ABL1: variants seen among roughly 807,000 people sequenced by gnomAD.
ABL1 encodes the protein tyrosine-protein kinase ABL1.
Under a neutral mutation model 94.7 loss-of-function variants are expected in ABL1, and 11 were observed. That is an observed-to-expected ratio of 0.12 (90% CI 0.07 to 0.19). The LOEUF is 0.19. Among genes scored for constraint, ABL1 ranks in the 10% least tolerant of loss-of-function variants. The pLI, the probability that ABL1 is intolerant of heterozygous loss-of-function variation, is 1.00. For synonymous variants in ABL1, 656 were observed against 622.4 expected (o/e 1.05, Z -0.80); for missense variants, 1,082 against 1,489.4 (o/e 0.73, Z 4.50).
chr9:130,883,716 A>G lies in ABL1; in HGVS notation c.1679-253A>G, dbSNP rs12335471. 3.9e-3 allele frequency among the ~76,000 whole-genome samples: 591 copies of G among 152,318 alleles called. 4 individuals are homozygous for G. The highest frequency in any genetic ancestry group is 0.013 in the African/African-American group (548 of 41,572). On this transcript the variant is annotated intron_variant, in intron 10 of 10. Transcript: ENST00000318560. ...TGCCAGCCAGCTAGCCGAGAGGCCT[A>G]TGAGGAGCTCTGGGAATAAGGGGCT...
At chr9:130,827,738 T>C (rs1006006521) in intron 1 of ABL1, among the ~76,000 whole-genome samples, 18 of 151,714 alleles carry the variant, frequency 1.2e-4, no homozygotes, top group Non-Finnish European at 4.4e-5. Flanking sequence ...CCACTAAAAA[T>C]ACAAAAATTA....
chr9:130,828,403 C>T (rs538200880), intron 1 of ABL1, among the ~76,000 whole-genome samples: 15 of 152,248 alleles, frequency 9.9e-5, no homozygotes, highest in Admixed American at 5.2e-4. Flanking sequence ...CATTATAGCC[C>T]AAATTTAAAA....
intron 10 of ABL1, among the ~76,000 whole-genome samples, chr9:130,882,644 C>G (rs1831478625): frequency 6.6e-6 from 1 of 152,112 alleles, no homozygotes; most frequent in Admixed American, 6.5e-5. Flanking sequence ...AAGCGATTCT[C>G]CTGCCTCATC....
chr9:130,786,915 A>C (rs370980221), intron 1 of ABL1, among the ~76,000 whole-genome samples: 2 of 148,720 alleles, frequency 1.3e-5, no homozygotes, highest in East Asian at 3.9e-4. Flanking sequence ...GAATTAAAAT[A>C]AGGACTAAAT....
Position 130,854,121 on chromosome 9 carries a change from C to T in ABL1, c.137C>T (p.Ala46Val), listed in dbSNP as rs371791060. The T allele has an allele frequency of 2.5e-6, 4 of 1,614,194 alleles. No homozygotes were observed. The highest frequency in any genetic ancestry group is 4.5e-5 in the East Asian group (2 of 44,888). The part of the protein sequence containing the change: ...DFEPQGLSEA[A>V]RWNSKENLLA... ...GAGCCTCAGGGTCTGAGTGAAGCCG[C>T]TCGTTGGAACTCCAAGGAAAACCTT... is the stretch of plus-strand genomic sequence containing the variant. The change falls in exon 2 of 11, where the codon GCT (alanine) becomes GTT (valine). Residue 46 changes from alanine (A) to valine (V), a missense_variant. Ala to Val is a moderately conservative substitution (Grantham distance 64). Coordinates refer to ENST00000318560, the MANE Select transcript of ABL1 (RefSeq NM_005157.6).
intron 1 of ABL1, among the ~76,000 whole-genome samples, chr9:130,839,167 T>A (rs893227591): frequency 4.0e-5 from 6 of 151,686 alleles, no homozygotes; most frequent in East Asian, 1.9e-4. Context: ...CCTCAAGTGA[T>A]CCTCCCACCT....
chr9:130,855,625 C>T (rs1001686496), intron 3 of ABL1, among the ~76,000 whole-genome samples: 39 of 152,108 alleles, frequency 2.6e-4, no homozygotes, highest in African/African-American at 9.4e-4. Flanking sequence ...AAACCCACAG[C>T]TTACCAAACC....
intron 4 of ABL1, among the ~76,000 whole-genome samples, chr9:130,866,052 G>GT (rs1259013544): frequency 6.6e-6 from 1 of 152,140 alleles, no homozygotes; most frequent in Non-Finnish European, 1.5e-5. Context: ...TGCTCATCTG[G>GT]TAATATAGTG....
intron 1 of ABL1, among the ~76,000 whole-genome samples, chr9:130,762,381 TTTGTG>T (rs1253092915): frequency 1.3e-5 from 2 of 152,122 alleles, no homozygotes; most frequent in Non-Finnish European, 1.5e-5. Flanking sequence ...AATTTTTAAA[TTTGTG>T]TGGTGTGCAT....
At chr9:130,797,986 A>G (rs553264592) in intron 1 of ABL1, among the ~76,000 whole-genome samples, 2 of 152,008 alleles carry the variant, frequency 1.3e-5, no homozygotes, top group Admixed American at 6.6e-5. Context: ...CCTTGATTTA[A>G]TTTCTTCAGC....
At chr9:130,879,697 A>G (rs997443398) in intron 8 of ABL1, among the ~76,000 whole-genome samples, 34 of 152,318 alleles carry the variant, frequency 2.2e-4, no homozygotes, top group African/African-American at 7.9e-4. Flanking sequence ...TCTCATTTTC[A>G]TGAGAATTTC....
intron 1 of ABL1, among the ~76,000 whole-genome samples, chr9:130,778,655 C>A (rs1190804432): frequency 2.0e-5 from 3 of 151,730 alleles, no homozygotes; most frequent in Non-Finnish European, 4.4e-5. Flanking sequence ...GCTTGCCCAT[C>A]CACTTTCAGA....
chr9:130,854,826 T>G lies in ABL1; in HGVS notation c.279T>G (p.Tyr93Ter), dbSNP rs1371038648. ...GTGAAAAGCTCCGGGTCTTAGGCTA[T>G]AATCACAATGGGGAATGGTGTGAAG... ...TKGEKLRVLG[Y>*]NHNGEWCEAQ... The change falls in exon 3 of 11, where the codon TAT becomes TAG. Residue 93 changes from tyrosine (Y) to a stop codon, truncating the protein, a stop_gained. Transcript: ENST00000318560. LOFTEE classifies it high-confidence loss of function. 6.2e-7 allele frequency: 1 copy of G among 1,614,206 alleles called. No homozygotes were observed. Among genetic ancestry groups the G allele is most frequent in the Admixed American group, 1.7e-5 (1 of 60,026 alleles).
chr9:130,747,902 C>T (rs1831907500), intron 1 of ABL1, among the ~76,000 whole-genome samples: 1 of 152,208 alleles, frequency 6.6e-6, no homozygotes, highest in South Asian at 2.1e-4. Flanking sequence ...GCCTACTACA[C>T]TTGGCTAAAG....
Position 130,748,578 on chromosome 9 carries a change from AC to A in ABL1, c.136+34124del, listed in dbSNP as rs201224683. ...CAGGCGTGAGCCACCATGCCTAGCT[AC>A]TTTTTTTTTTTTTTGAGACGGAGTC... On this transcript the variant is annotated intron_variant, in intron 1 of 10. Transcript: ENST00000372348. Among the ~76,000 whole-genome samples the A allele has an allele frequency of 6.0e-4, 86 of 144,412 alleles. No homozygotes were observed. The East Asian group carries it at 7.8e-3, about 13-fold the overall frequency. 94.7% of individuals were successfully genotyped at this position (144,412 alleles called of 152,430 possible).
At chr9:130,832,125 A>AT (rs776662566), upstream of ABL1, among the ~76,000 whole-genome samples, 22 of 125,358 alleles carry the variant, frequency 1.8e-4, no homozygotes, top group African/African-American at 3.9e-4. Context: ...TTCCTTCTAA[A>AT]TATTTTTTTT....
chr9:130,730,779 C>T (rs1831654457), intron 1 of ABL1, among the ~76,000 whole-genome samples: 1 of 151,336 alleles, frequency 6.6e-6, no homozygotes, highest in Non-Finnish European at 1.5e-5. Flanking sequence ...ACCATGTGGC[C>T]CAGGCTGGTC....
chr9:130,831,168 C>T (rs1035462838), upstream of ABL1, among the ~76,000 whole-genome samples: 1 of 152,020 alleles, frequency 6.6e-6, no homozygotes, highest in African/African-American at 2.4e-5. Flanking sequence ...CTTTGCTGTT[C>T]CCCCCCTAAA....
chr9:130,878,316 A>G, intron 7 of ABL1, 99 bp from the exon 8 acceptor site: 1 of 1,405,866 alleles, frequency 7.1e-7, no homozygotes, highest in Non-Finnish European at 9.9e-7. Context: ...TGCTGGGGCC[A>G]TCCCTTCTGA....
Sources: gnomAD v4.1 joint callset for allele counts (sites outside exome capture counted in the v4.1 genomes callset) on GRCh38, gnomAD v4.1.1 for gene constraint, MANE v1.5 for transcripts, NCBI Gene and HGNC (gene_info 2026-07-23, HGNC 2026-07-21) for gene names.